Variants in STPG4 observed in about 807,000 individuals in gnomAD.
STPG4 encodes protein STPG4.
In STPG4, 41 loss-of-function variants were observed where a neutral mutation model predicts 31.5. The ratio of observed to expected loss-of-function variants is 1.30; its 90% confidence interval spans 1.01 to 1.69. The LOEUF (loss-of-function observed/expected upper bound fraction) is 1.69, where lower values mean the gene tolerates loss of function less well. Ranked by LOEUF, STPG4 falls within the 40% of genes most tolerant of loss-of-function variation. STPG4 has a pLI of 0.00. For synonymous variants in STPG4, 141 were observed against 103.0 expected (o/e 1.37, Z -2.24); for missense variants, 375 against 293.4 (o/e 1.28, Z -2.03).
At chr2:47,144,741 T>A (rs1686782983) in intron 3 of STPG4, among the ~76,000 whole-genome samples, 1 of 152,204 alleles carries the variant, frequency 6.6e-6, no homozygotes, top group Admixed American at 6.5e-5. Flanking sequence ...TTTTGTTTTT[T>A]GTTTTTTGAG....
intron 5 of STPG4, among the ~76,000 whole-genome samples, chr2:47,127,380 T>G (rs1434330408): frequency 1.3e-5 from 2 of 149,318 alleles, no homozygotes; most frequent in Admixed American, 6.7e-5. Context: ...GCGATTCTCA[T>G]GCCTCAGCCT....
At chr2:47,101,104 T>C (rs1293950386) in intron 5 of STPG4, among the ~76,000 whole-genome samples, 1 of 151,816 alleles carries the variant, frequency 6.6e-6, no homozygotes, top group East Asian at 1.9e-4. Flanking sequence ...TCGGACCCCT[T>C]TAGCTTGCTA....
intron 5 of STPG4, among the ~76,000 whole-genome samples, chr2:47,118,155 G>A (rs1290069240): frequency 2.0e-5 from 3 of 152,122 alleles, no homozygotes; most frequent in Admixed American, 1.3e-4. Flanking sequence ...GAGGTGAGGG[G>A]TGGGCGAGCA....
At chr2:47,149,618 C>A (rs1686898206) in intron 3 of STPG4, among the ~76,000 whole-genome samples, 1 of 152,168 alleles carries the variant, frequency 6.6e-6, no homozygotes, top group Non-Finnish European at 1.5e-5. Flanking sequence ...GTTCATCCTG[C>A]TGAAAATTTT....
intron 3 of STPG4, among the ~76,000 whole-genome samples, chr2:47,143,207 C>G (rs1338923748): frequency 6.6e-6 from 1 of 152,142 alleles, no homozygotes; most frequent in Non-Finnish European, 1.5e-5. Flanking sequence ...GAGTTTAAGG[C>G]TATGTGCATT....
At chr2:47,128,645 G>A (rs1489451029) in intron 5 of STPG4, among the ~76,000 whole-genome samples, 1 of 152,108 alleles carries the variant, frequency 6.6e-6, no homozygotes, top group African/African-American at 2.4e-5. Context: ...GTCAGCTTGT[G>A]AGGAAGGCTG....
intron 3 of STPG4, among the ~76,000 whole-genome samples, chr2:47,144,094 T>C (rs967410964): frequency 6.6e-6 from 1 of 152,154 alleles, no homozygotes; most frequent in African/African-American, 2.4e-5. Flanking sequence ...GTCCTGAAGT[T>C]ACCCTAGCAT....
chr2:47,154,351 G>A (rs1686988870), intron 1 of STPG4, among the ~76,000 whole-genome samples: 1 of 152,130 alleles, frequency 6.6e-6, no homozygotes, highest in South Asian at 2.1e-4. Flanking sequence ...ACTTTCTCAG[G>A]CAGGTCAAGA....
At chr2:47,118,815 AC>A (rs1348646483) in intron 5 of STPG4, among the ~76,000 whole-genome samples, 5 of 152,338 alleles carry the variant, frequency 3.3e-5, no homozygotes, top group African/African-American at 1.2e-4. Flanking sequence ...TGCACCTGGC[AC>A]CAGAAGACAC....
intron 6 of STPG4, 61 bp downstream of exon 6, chr2:47,090,209 A>T (rs1421581297): frequency 3.3e-6 from 4 of 1,197,974 alleles, no homozygotes; most frequent in African/African-American, 1.5e-5. Flanking sequence ...AGAAACAGAA[A>T]ACCTACCACC....
intron 5 of STPG4, among the ~76,000 whole-genome samples, chr2:47,099,949 G>A (rs191722424): frequency 6.6e-6 from 1 of 152,292 alleles, no homozygotes; most frequent in East Asian, 1.9e-4. Context: ...GTTTCTCGCT[G>A]GGTCTTAGCT....
intron 3 of STPG4, among the ~76,000 whole-genome samples, chr2:47,139,993 C>T (rs1356476017): frequency 6.6e-6 from 1 of 152,096 alleles, no homozygotes; most frequent in Non-Finnish European, 1.5e-5. Context: ...CCAGGCTGGT[C>T]TCAAACTCCT....
chr2:47,152,072 G>C (rs1227725040), intron 2 of STPG4, among the ~76,000 whole-genome samples: 1 of 152,116 alleles, frequency 6.6e-6, no homozygotes, highest in African/African-American at 2.4e-5. Flanking sequence ...CGAAATTTAA[G>C]TTTTTAAAAG....
At chr2:47,150,325 G>A (rs989171175) in intron 3 of STPG4, among the ~76,000 whole-genome samples, 4 of 152,100 alleles carry the variant, frequency 2.6e-5, no homozygotes, top group Non-Finnish European at 4.4e-5. Context: ...CTGAGCACTT[G>A]ATAAACTCTG....
At chr2:47,141,211 C>A (rs1232872455) in intron 3 of STPG4, among the ~76,000 whole-genome samples, 2 of 151,690 alleles carry the variant, frequency 1.3e-5, no homozygotes, top group African/African-American at 4.8e-5. Flanking sequence ...ATAGAAATTT[C>A]TTTAAGTGTC....
At chr2:47,142,186 G>A (rs1417991383) in intron 3 of STPG4, among the ~76,000 whole-genome samples, 1 of 151,684 alleles carries the variant, frequency 6.6e-6, no homozygotes, top group Non-Finnish European at 1.5e-5. Context: ...CTAGTTCAAG[G>A]ATGTATTTTG....
intron 5 of STPG4, among the ~76,000 whole-genome samples, chr2:47,095,421 G>GCGAA (rs929877521): frequency 3.3e-5 from 5 of 152,200 alleles, no homozygotes; most frequent in Non-Finnish European, 7.4e-5. Context: ...ACCACGAGCT[G>GCGAA]CGAATGAGGC....
At chr2:47,105,912 A>G (rs1002023611) in intron 5 of STPG4, among the ~76,000 whole-genome samples, 1 of 152,074 alleles carries the variant, frequency 6.6e-6, no homozygotes, top group African/African-American at 2.4e-5. Context: ...AGGAAATTAT[A>G]GAGTTATTGC....
At chr2:47,110,015 A>AACGGGAGGCTGAGGCAGGAGAATGG (rs1558676022) in intron 5 of STPG4, among the ~76,000 whole-genome samples, 14 of 151,884 alleles carry the variant, frequency 9.2e-5, no homozygotes, top group African/African-American at 3.4e-4. Context: ...TTTAAGAAAT[A>AACGGGAGGCTGAGGCAGGAGAATGG]CAGAAACGAA....
Sources: gnomAD v4.1 joint callset for allele counts (sites outside exome capture counted in the v4.1 genomes callset) on GRCh38, gnomAD v4.1.1 for gene constraint, MANE v1.5 for transcripts, NCBI Gene and HGNC (gene_info 2026-07-23, HGNC 2026-07-21) for gene names.